The following KIAA1549L variants were observed in gnomAD, a reference collection of about 807,000 sequenced individuals.
The protein encoded by KIAA1549L is KIAA1549 like, also known as UPF0606 protein KIAA1549L.
KIAA1549L carries 88 observed loss-of-function variants against 160.7 expected under a neutral mutation model. That is an observed-to-expected ratio of 0.55 (90% confidence interval 0.46 to 0.65). KIAA1549L has a LOEUF of 0.65. Ranked by LOEUF, KIAA1549L falls within the 30% of genes least tolerant of loss-of-function variation. The pLI, the probability that KIAA1549L is intolerant of heterozygous loss-of-function variation, is 0.00. For missense variants in KIAA1549L, 2,258 were observed against 2,437.5 expected (o/e 0.93, Z 1.55); for synonymous variants, 950 against 976.7 (o/e 0.97, Z 0.51).
intron 20 of KIAA1549L, chr11:33,665,447 C>T (rs576032417): frequency 6.6e-6 from 1 of 152,388 alleles, no homozygotes; most frequent in Admixed American, 6.5e-5. Context: ...CTTGTTCAGA[C>T]ATCTCTGCAT....
At chr11:33,441,527 G>C (rs1267705646) in intron 1 of KIAA1549L, among the ~76,000 whole-genome samples, 1 of 151,788 alleles carries the variant, frequency 6.6e-6, no homozygotes, top group Non-Finnish European at 1.5e-5. Flanking sequence ...CTAGTTTACA[G>C]TCCCACCAAC....
At chr11:33,607,990 G>T (rs890839847) in intron 14 of KIAA1549L, among the ~76,000 whole-genome samples, 9 of 152,174 alleles carry the variant, frequency 5.9e-5, no homozygotes, top group African/African-American at 1.9e-4. Context: ...AAAGTCACAC[G>T]GCAGGTTATG....
intron 8 of KIAA1549L, 37 bp from the exon 9 acceptor site, chr11:33,568,039 G>T (rs938563198): frequency 3.9e-6 from 6 of 1,551,340 alleles, no homozygotes; most frequent in Non-Finnish European, 3.5e-6. Context: ...CAGAAAGTCT[G>T]CCTTCTGAGC....
At position 33,543,042 on chromosome 11, in the gene KIAA1549L, A is replaced by T. The variant is rs1854083999; in HGVS notation, c.1479A>T (p.Ser493=). The T allele has an allele frequency of 6.2e-7, 1 of 1,613,856 alleles. No individual in the cohort carries two copies. The highest frequency in any genetic ancestry group is 8.5e-7 in the Non-Finnish European group (1 of 1,179,908). The change falls in exon 2 of 21, where the codon TCA becomes TCT. Residue 493 remains serine, a synonymous_variant. Transcript: ENST00000658780. ...TCCTTTCTGGGGCGGTTCCCGCATC[A>T]CCATCAACTGGGACAGCCGACTTTC... ...QAILSGAVPA[S]PSTGTADFPS...
At chr11:33,413,540 C>T (rs1300953067) in intron 1 of KIAA1549L, among the ~76,000 whole-genome samples, 15 of 151,672 alleles carry the variant, frequency 9.9e-5, no homozygotes, top group African/African-American at 3.6e-4. Flanking sequence ...AAGATGTGTC[C>T]CCCTTAACAA....
chr11:33,596,055 G>A (rs559324947), intron 12 of KIAA1549L, among the ~76,000 whole-genome samples: 95 of 152,260 alleles, frequency 6.2e-4, no homozygotes, highest in African/African-American at 2.0e-3. Flanking sequence ...GTGATTGGCC[G>A]TGATTCGTGC....
chr11:33,416,820 C>A (rs1850898631), intron 1 of KIAA1549L, among the ~76,000 whole-genome samples: 1 of 152,142 alleles, frequency 6.6e-6, no homozygotes, highest in African/African-American at 2.4e-5. Context: ...TGGTAGGACT[C>A]CGTGATTTTC....
At chr11:33,597,876 A>G (rs1175857656) in intron 12 of KIAA1549L, among the ~76,000 whole-genome samples, 1 of 152,196 alleles carries the variant, frequency 6.6e-6, no homozygotes, top group African/African-American at 2.4e-5. Flanking sequence ...ACTATGTCCT[A>G]GACAACACAC....
chr11:33,376,241 C>T lies in KIAA1549L; in HGVS notation c.-411C>T, dbSNP rs1379991024. On this transcript the variant is annotated 5_prime_UTR_variant, in exon 1 of 21. Transcript: ENST00000658780. The surrounding 1 kb of genome is among the most constrained non-coding windows in gnomAD (Gnocchi z 5.8). ...GGACAGCGGGGCGCCGAGGCTGCAG[C>T]GGCGGCGGGAGGGAGGGACCCGAGC... is the stretch of plus-strand genomic sequence containing the variant. 1.3e-5 allele frequency among the ~76,000 whole-genome samples: 2 copies of T among 148,962 alleles called. No individual in the cohort carries two copies. The highest frequency in any genetic ancestry group is 2.4e-5 in the African/African-American group (1 of 41,078).
At chr11:33,397,710 T>TCACACACACACACACACACACACA (rs71034679) in intron 1 of KIAA1549L, among the ~76,000 whole-genome samples, 1 of 142,944 alleles carries the variant, frequency 7.0e-6, no homozygotes, top group Non-Finnish European at 1.5e-5. Context: ...AGACTCCATC[T>TCACACACACACACACACACACACA]CACACACACA....
intron 1 of KIAA1549L, among the ~76,000 whole-genome samples, chr11:33,426,093 A>ATT (rs1355669409): frequency 1.3e-5 from 2 of 152,230 alleles, no homozygotes; most frequent in Admixed American, 6.5e-5. Context: ...GAAAAAGGAC[A>ATT]TTAGAGACAA....
chr11:33,475,476 G>A (rs1852264973), intron 1 of KIAA1549L, among the ~76,000 whole-genome samples: 1 of 151,868 alleles, frequency 6.6e-6, no homozygotes, highest in Admixed American at 6.6e-5. Context: ...AGGATCGTTT[G>A]AGCCCAGGAG....
chr11:33,524,758 G>C (rs1277304680), intron 1 of KIAA1549L, among the ~76,000 whole-genome samples: 2 of 152,168 alleles, frequency 1.3e-5, no homozygotes, highest in African/African-American at 4.8e-5. Context: ...ATTTCAGTTA[G>C]AGTTAGATTT....
chr11:33,450,463 G>A (rs1300539684), intron 1 of KIAA1549L, among the ~76,000 whole-genome samples: 4 of 152,072 alleles, frequency 2.6e-5, no homozygotes, highest in African/African-American at 9.7e-5. Flanking sequence ...AGGAGACTGA[G>A]GTGAGAGAAT....
chr11:33,399,051 C>T (rs972043117), intron 1 of KIAA1549L, among the ~76,000 whole-genome samples: 4 of 151,354 alleles, frequency 2.6e-5, no homozygotes, highest in African/African-American at 4.9e-5. Context: ...CTCCCGGGTT[C>T]AAGTAAGTCT....
rs762379700 is a variant in KIAA1549L at position 33,543,247 on chromosome 11, A to T, written c.1684A>T (p.Lys562Ter). ...ATCTTGGACATTTCCCCGGTGGAAA[A>T]AGGACAGTGTGACAGCCATTTTAGG... is the stretch of plus-strand genomic sequence containing the variant. The part of the protein sequence containing the change: ...STSWTFPRWK[K>*]DSVTAILGKN... Residue 562 changes from lysine to a stop codon, truncating the protein, a stop_gained, in exon 2 of 21, where the codon AAG (lysine) becomes TAG (stop). Coordinates refer to ENST00000658780, the MANE Select transcript of KIAA1549L (RefSeq NM_012194.3). LOFTEE classifies it high-confidence loss of function. 2.5e-6 allele frequency: 4 copies of T among 1,613,344 alleles called. No homozygotes were observed. Among genetic ancestry groups the T allele is most frequent in the Non-Finnish European group, 8.5e-7 (1 of 1,179,210 alleles).
At chr11:33,435,759 G>GAGAGAT (rs1429879805) in intron 1 of KIAA1549L, among the ~76,000 whole-genome samples, 6 of 14,986 alleles carry the variant, frequency 4.0e-4, no homozygotes, top group South Asian at 5.0e-3. Context: ...GAACCAATAA[G>GAGAGAT]ATATATATAT....
intron 1 of KIAA1549L, among the ~76,000 whole-genome samples, chr11:33,527,439 A>G (rs1386139200): frequency 1.3e-5 from 2 of 152,200 alleles, no homozygotes; most frequent in Non-Finnish European, 2.9e-5. Context: ...TACAAAAATC[A>G]ACTCAAGATG....
At chr11:33,382,744 C>A (rs1469816212) in intron 1 of KIAA1549L, among the ~76,000 whole-genome samples, 1 of 152,134 alleles carries the variant, frequency 6.6e-6, no homozygotes, top group Non-Finnish European at 1.5e-5. Flanking sequence ...TCTCATCCTT[C>A]CCATCCCCAC....
Sources: gnomAD v4.1 joint callset for allele counts (sites outside exome capture counted in the v4.1 genomes callset) on GRCh38, gnomAD v4.1.1 for gene constraint, Gnocchi (gnomAD v3.1) non-coding constraint, MANE v1.5 for transcripts, NCBI Gene and HGNC (gene_info 2026-07-23, HGNC 2026-07-21) for gene names.